LAMC1: variants seen among roughly 807,000 people sequenced by gnomAD.
LAMC1 encodes the protein laminin subunit gamma 1.
In LAMC1, 38 loss-of-function variants were observed where a neutral mutation model predicts 173.6. The ratio of observed to expected loss-of-function variants is 0.22; its 90% CI spans 0.17 to 0.29. The LOEUF (loss-of-function observed/expected upper bound fraction) is 0.29. Ranked by LOEUF, LAMC1 falls within the 10% of genes least tolerant of loss-of-function variation. LAMC1 has a pLI of 1.00. For synonymous variants in LAMC1, 746 were observed against 749.1 expected, an observed-to-expected ratio of 1.00 and a Z score of 0.07; for missense variants, 1,824 against 2,051.8, an observed-to-expected ratio of 0.89 and a Z score of 2.14.
intron 1 of LAMC1, among the ~76,000 whole-genome samples, chr1:183,092,593 A>C (rs1344788639): frequency 6.6e-6 from 1 of 152,174 alleles, no homozygotes; most frequent in Non-Finnish European, 1.5e-5. Context: ...TATAACAGGA[A>C]GACATAGACC....
intron 21 of LAMC1, 120 bp downstream of exon 21, chr1:183,132,657 T>A: frequency 8.1e-6 from 6 of 740,684 alleles, no homozygotes; most frequent in Non-Finnish European, 8.7e-6. Flanking sequence ...AGATTTCCTT[T>A]GTTAATCATG....
rs1401066720 is a variant in LAMC1 at position 183,085,752 on chromosome 1, A to G, written c.419-17576A>G. On this transcript the variant is annotated intron_variant, in intron 1 of 27. Coordinates refer to ENST00000258341, the MANE Select transcript of LAMC1 (RefSeq NM_002293.4). Reference sequence around the variant, plus strand: ...GGCATTTAGTACTGCTTGAAAATTAAATTAGAAAGTAAGTGCCACTTAAAA... The same window carrying G: ...GGCATTTAGTACTGCTTGAAAATTAGATTAGAAAGTAAGTGCCACTTAAAA... 2.0e-5 allele frequency among the ~76,000 whole-genome samples: 3 copies of G among 152,178 alleles called. No homozygotes were observed. The East Asian group carries it at 5.8e-4, about 29-fold the overall frequency.
intron 17 of LAMC1, among the ~76,000 whole-genome samples, 181 bp from the exon 18 acceptor site, chr1:183,128,413 T>C (rs148046119): frequency 1.3e-5 from 2 of 151,692 alleles, no homozygotes; most frequent in African/African-American, 2.4e-5. Context: ...TGTATACATA[T>C]GTAACAAACC....
chr1:183,045,626 G>A (rs1348421728), intron 1 of LAMC1, among the ~76,000 whole-genome samples: 2 of 151,938 alleles, frequency 1.3e-5, no homozygotes, highest in African/African-American at 4.8e-5. Context: ...CGAATAGAAC[G>A]CTTCTATGGG....
Position 183,145,057 on chromosome 1 carries a change from T to G in LAMC1, c.*2267T>G, listed in dbSNP as rs945933471. The G allele has an allele frequency of 6.6e-6, 1 of 152,268 alleles. No individual in the cohort carries two copies. Among genetic ancestry groups the G allele is most frequent in the African/African-American group, 2.4e-5 (1 of 41,540 alleles). The allele number at this position is 152,268 out of a possible 1,614,324, so 9.4% of individuals were successfully genotyped here. Reference sequence around the variant, plus strand: ...CATTAAGTGGCTACATCCTAACATATGCATTTGGTCAAGGTTGCAGAAGAG... The same window carrying G: ...CATTAAGTGGCTACATCCTAACATAGGCATTTGGTCAAGGTTGCAGAAGAG... On this transcript the variant is annotated 3_prime_UTR_variant, in exon 28 of 28. Transcript: ENST00000258341.
chr1:183,099,716 C>A (rs932259310), intron 1 of LAMC1, among the ~76,000 whole-genome samples: 1 of 152,126 alleles, frequency 6.6e-6, no homozygotes, highest in Non-Finnish European at 1.5e-5. Flanking sequence ...CCATATGCTT[C>A]AACTGTACTC....
chr1:183,128,827 A>G, intron 18 of LAMC1, 77 bp downstream of exon 18: 1 of 1,095,600 alleles, frequency 9.1e-7, no homozygotes, highest in East Asian at 2.6e-5. Context: ...CAAGGTTAGT[A>G]TAGTTTTATA....
At chr1:183,110,197 T>G (rs1459126328) in intron 3 of LAMC1, among the ~76,000 whole-genome samples, 3 of 152,220 alleles carry the variant, frequency 2.0e-5, no homozygotes. Context: ...TATATTCTGC[T>G]ACCTCTTGAC....
intron 1 of LAMC1, among the ~76,000 whole-genome samples, chr1:183,094,660 C>T (rs1170761251): frequency 6.6e-6 from 1 of 152,100 alleles, no homozygotes; most frequent in Non-Finnish European, 1.5e-5. Flanking sequence ...AATTAATAAG[C>T]AATTGTGAAA....
intron 13 of LAMC1, among the ~76,000 whole-genome samples, chr1:183,123,713 AT>A (rs1656543746): frequency 6.6e-6 from 1 of 152,148 alleles, no homozygotes; most frequent in Non-Finnish European, 1.5e-5. Context: ...AATCTTGTTT[AT>A]TTGTATGTCT....
At chr1:183,135,248 T>A (rs1426699540) in intron 24 of LAMC1, 92 bp downstream of exon 24, 10 of 728,752 alleles carry the variant, frequency 1.4e-5, no homozygotes, top group Admixed American at 5.0e-5. Flanking sequence ...TATTACTTCA[T>A]CCCCAACTCC....
chr1:183,122,357 G>T lies in LAMC1; in HGVS notation c.2401+106G>T, dbSNP rs1656500776. On this transcript the variant is annotated intron_variant, in intron 13 of 27. Transcript: ENST00000258341. ...GATCTTTGTGTTTGGTTCAGTTTCAGTGGTTATGGTTTTCCTAATAGGAAG... is the reference window on the plus strand; with the variant it reads ...GATCTTTGTGTTTGGTTCAGTTTCATTGGTTATGGTTTTCCTAATAGGAAG... The T allele has an allele frequency of 4.8e-6, 5 of 1,049,480 alleles. No individual in the cohort carries two copies. The East Asian group carries it at 9.5e-5, about 20-fold the overall frequency. The allele number at this position is 1,049,480 out of a possible 1,614,324, so 65.0% of individuals were successfully genotyped here. A position where few individuals can be genotyped will look rare whatever the true frequency, so the allele number is the denominator to read the frequency against.
chr1:183,094,942 T>C (rs189477221), intron 1 of LAMC1, among the ~76,000 whole-genome samples: 59 of 150,114 alleles, frequency 3.9e-4, no homozygotes, highest in African/African-American at 1.4e-3. Context: ...TGCCTCCCGA[T>C]TCAAGTGATT....
At position 183,136,533 on chromosome 1, in the gene LAMC1, A is replaced by G; in HGVS notation, c.4262A>G (p.Glu1421Gly). The G allele has an allele frequency of 6.2e-7, 1 of 1,613,940 alleles. No homozygotes were observed. The highest frequency in any genetic ancestry group is 8.5e-7 in the Non-Finnish European group (1 of 1,179,882). ...GGCAGTGCTGCGGCGGATGCCACAG[A>G]GGCCAAGAACAAGGCCCATGAGGCG... ...ALGSAAADAT[E>G]AKNKAHEAER... is the part of the protein sequence containing the mutation. Residue 1421 changes from glutamate to glycine, a missense_variant, in exon 25 of 28, where the codon GAG becomes GGG. Transcript: ENST00000258341.
At chr1:183,050,909 A>G (rs1004077204) in intron 1 of LAMC1, among the ~76,000 whole-genome samples, 3 of 151,624 alleles carry the variant, frequency 2.0e-5, no homozygotes, top group African/African-American at 7.3e-5. Flanking sequence ...AAAAAAAAAA[A>G]AAGAATTACT....
chr1:183,084,709 T>C (rs1468288323), intron 1 of LAMC1, among the ~76,000 whole-genome samples: 3 of 152,256 alleles, frequency 2.0e-5, no homozygotes, highest in Non-Finnish European at 4.4e-5. Flanking sequence ...TCTGTCCCTA[T>C]CTGTACATGT....
At chr1:183,038,833 T>G (rs1654050765) in intron 1 of LAMC1, among the ~76,000 whole-genome samples, 1 of 152,212 alleles carries the variant, frequency 6.6e-6, no homozygotes, top group Admixed American at 6.5e-5. Context: ...ACTCTTAGTT[T>G]TCTGGAATGT....
At chr1:183,131,999 T>C (rs1261950489) in intron 20 of LAMC1, among the ~76,000 whole-genome samples, 1 of 152,186 alleles carries the variant, frequency 6.6e-6, no homozygotes, top group Non-Finnish European at 1.5e-5. Flanking sequence ...TGTTAGTATA[T>C]GTACATATAA....
At chr1:183,099,886 A>G (rs1280252775) in intron 1 of LAMC1, among the ~76,000 whole-genome samples, 1 of 152,122 alleles carries the variant, frequency 6.6e-6, no homozygotes, top group Admixed American at 6.5e-5. Flanking sequence ...CGGAAACTGA[A>G]TTCATCTTCC....
Sources: allele counts gnomAD v4.1 joint callset (sites outside exome capture counted in the v4.1 genomes callset), GRCh38; gene constraint gnomAD v4.1.1; transcripts MANE v1.5; gene names NCBI Gene and HGNC (gene_info 2026-07-23, HGNC 2026-07-21).